Variants in SUMF1 observed in about 807,000 individuals in gnomAD.
SUMF1 encodes sulfatase modifying factor 1.
Under a neutral mutation model 47.6 loss-of-function variants are expected in SUMF1, and 48 were observed. The observed-to-expected ratio is 1.01, with a 90% CI of 0.80 to 1.28. The LOEUF is 1.28. SUMF1 is among the 50% of genes most tolerant of loss of function. The pLI is 0.00. For synonymous variants in SUMF1, 230 were observed against 192.1 expected, an observed-to-expected ratio of 1.20 and a Z score of -1.63; for missense variants, 571 against 485.4, an observed-to-expected ratio of 1.18 and a Z score of -1.66.
chr3:4,303,248 C>G, intron 8 of SUMF1: 1 of 1,104,096 alleles, frequency 9.1e-7, no homozygotes, highest in Non-Finnish European at 1.2e-6. Flanking sequence ...GCCTTCCAGG[C>G]CACTCCTGAG....
chr3:4,260,908 C>T (rs13095930), intron 8 of SUMF1, among the ~76,000 whole-genome samples: 187 of 151,930 alleles, frequency 1.2e-3, no homozygotes, highest in Middle Eastern at 0.01. Flanking sequence ...GGCAAGGTAA[C>T]GAATTCTCCT....
chr3:4,439,261 C>T (rs908041696), intron 3 of SUMF1, among the ~76,000 whole-genome samples: 2 of 152,094 alleles, frequency 1.3e-5, no homozygotes, highest in Non-Finnish European at 1.5e-5. Context: ...GGTGGCTCAA[C>T]GCCTGTAATG....
chr3:4,152,054 C>A (rs1275227976), intron 8 of SUMF1, among the ~76,000 whole-genome samples: 1 of 151,462 alleles, frequency 6.6e-6, no homozygotes, highest in East Asian at 1.9e-4. Flanking sequence ...ACATCAATAT[C>A]TAAATAACCA....
At chr3:4,204,091 A>T (rs947683169) in intron 8 of SUMF1, among the ~76,000 whole-genome samples, 2 of 151,978 alleles carry the variant, frequency 1.3e-5, no homozygotes, top group South Asian at 4.2e-4. Flanking sequence ...GTGCCTTCAG[A>T]TGATTTCTTA....
At chr3:4,250,296 G>A (rs1575019011) in intron 8 of SUMF1, among the ~76,000 whole-genome samples, 1 of 148,182 alleles carries the variant, frequency 6.7e-6, no homozygotes, top group Non-Finnish European at 1.5e-5. Context: ...AGGGAAGAGG[G>A]AAGGAGGGAA....
At chr3:4,315,665 CTTTT>C (rs1245964938) in intron 8 of SUMF1, among the ~76,000 whole-genome samples, 1 of 152,176 alleles carries the variant, frequency 6.6e-6, no homozygotes, top group Non-Finnish European at 1.5e-5. Flanking sequence ...GTTGACACTT[CTTTT>C]GAGAGAAAAC....
intron 8 of SUMF1, among the ~76,000 whole-genome samples, chr3:4,368,629 C>T (rs1700064892): frequency 6.6e-6 from 1 of 152,176 alleles, no homozygotes; most frequent in African/African-American, 2.4e-5. Flanking sequence ...AAATGTGGCA[C>T]ATATACACCA....
At chr3:4,303,154 C>G (rs986686954) in intron 8 of SUMF1, 16 of 473,858 alleles carry the variant, frequency 3.4e-5, no homozygotes, top group African/African-American at 3.3e-4. Context: ...TTCGTCCGTA[C>G]CTTACATGGT....
chr3:4,456,454 G>GTTTT (rs775343012), intron 1 of SUMF1, among the ~76,000 whole-genome samples: 15 of 134,068 alleles, frequency 1.1e-4, no homozygotes, highest in Non-Finnish European at 1.7e-4. Context: ...GTTTTTCTTT[G>GTTTT]TTTTTTTTTT....
intron 8 of SUMF1, among the ~76,000 whole-genome samples, chr3:4,366,337 T>G (rs1699956993): frequency 6.6e-6 from 1 of 152,230 alleles, no homozygotes; most frequent in South Asian, 2.1e-4. Context: ...ATTCTCCCCG[T>G]CACTTTCAGG....
At chr3:4,132,168 G>T (rs1223900184) in intron 8 of SUMF1, among the ~76,000 whole-genome samples, 1 of 152,208 alleles carries the variant, frequency 6.6e-6, no homozygotes, top group East Asian at 1.9e-4. Context: ...TTCCTATCCC[G>T]CTCACAATGC....
intron 8 of SUMF1, among the ~76,000 whole-genome samples, chr3:4,127,594 G>T (rs1297851082): frequency 6.6e-6 from 1 of 152,080 alleles, no homozygotes; most frequent in Non-Finnish European, 1.5e-5. Flanking sequence ...TTGGCGCTTG[G>T]ACTGCCTCTC....
At chr3:4,317,721 G>C (rs1262976023) in intron 8 of SUMF1, among the ~76,000 whole-genome samples, 2 of 152,112 alleles carry the variant, frequency 1.3e-5, no homozygotes, top group Non-Finnish European at 2.9e-5. Context: ...TTAAAATGTA[G>C]TCACTCTCCA....
At chr3:4,392,058 G>A (rs1283144611) in intron 7 of SUMF1, among the ~76,000 whole-genome samples, 1 of 151,550 alleles carries the variant, frequency 6.6e-6, no homozygotes, top group Non-Finnish European at 1.5e-5. Flanking sequence ...AAACTCCCAG[G>A]CTCAAGCGAT....
intron 3 of SUMF1, among the ~76,000 whole-genome samples, chr3:4,432,195 A>G (rs998270224): frequency 6.6e-5 from 10 of 151,328 alleles, no homozygotes; most frequent in African/African-American, 2.4e-4. Flanking sequence ...AGGAACTCCA[A>G]TCTCAAATTA....
chr3:4,359,306 C>G (rs780275326), downstream of SUMF1, among the ~76,000 whole-genome samples: 3 of 152,144 alleles, frequency 2.0e-5, no homozygotes, highest in Non-Finnish European at 4.4e-5. Flanking sequence ...GAGACAGGGT[C>G]TTGCTCTGTT....
At chr3:4,220,435 G>C (rs548217407) in intron 8 of SUMF1, among the ~76,000 whole-genome samples, 1 of 152,228 alleles carries the variant, frequency 6.6e-6, no homozygotes, top group South Asian at 2.1e-4. Flanking sequence ...TGATGGAGAA[G>C]TTCATAGGAG....
intron 8 of SUMF1, among the ~76,000 whole-genome samples, chr3:4,161,826 G>A (rs1210183731): frequency 6.6e-6 from 1 of 152,034 alleles, no homozygotes; most frequent in African/African-American, 2.4e-5. Flanking sequence ...TGGGTTGCAG[G>A]ACAAAGTCCC....
At chr3:4,044,073 A>T (rs1204498971) in intron 9 of SUMF1, among the ~76,000 whole-genome samples, 1 of 152,170 alleles carries the variant, frequency 6.6e-6, no homozygotes, top group Non-Finnish European at 1.5e-5. Flanking sequence ...CTCACTAAAG[A>T]CCATGAGCTC....
Sources: allele counts gnomAD v4.1 joint callset (sites outside exome capture counted in the v4.1 genomes callset), GRCh38; gene constraint gnomAD v4.1.1; transcripts MANE v1.5; gene names NCBI Gene and HGNC (gene_info 2026-07-23, HGNC 2026-07-21).